GRIP1: variants seen among roughly 807,000 people sequenced by gnomAD.
The protein encoded by GRIP1 is glutamate receptor-interacting protein 1.
Under a neutral mutation model 129.9 loss-of-function variants are expected in GRIP1, and 45 were observed. The observed-to-expected ratio is 0.35, with a 90% CI of 0.27 to 0.44. GRIP1 has a LOEUF of 0.44. Among genes scored for constraint, GRIP1 ranks in the 20% least tolerant of loss-of-function variants. The pLI is 1.00. For missense variants in GRIP1, 1,196 were observed against 1,396.8 expected, an observed-to-expected ratio of 0.86 and a Z score of 2.29; for synonymous variants, 530 against 520.8, an observed-to-expected ratio of 1.02 and a Z score of -0.24.
intron 1 of GRIP1, among the ~76,000 whole-genome samples, chr12:67,026,294 C>T (rs1167529565): frequency 6.6e-6 from 1 of 152,168 alleles, no homozygotes; most frequent in Non-Finnish European, 1.5e-5. Context: ...CCATTAAAAG[C>T]TGCTATAATT....
chr12:66,788,497 T>C (rs929762553), intron 1 of GRIP1, among the ~76,000 whole-genome samples: 4 of 151,774 alleles, frequency 2.6e-5, no homozygotes, highest in Admixed American at 2.6e-4. Context: ...ACCTAATGAC[T>C]CTCTTCTAAT....
intron 2 of GRIP1, among the ~76,000 whole-genome samples, chr12:66,578,664 C>A (rs1437405776): frequency 2.0e-5 from 3 of 152,218 alleles, no homozygotes; most frequent in Non-Finnish European, 2.9e-5. Flanking sequence ...GCTAGCACAG[C>A]AGTCTGAGAT....
chr12:66,560,497 A>C (rs920780217), intron 2 of GRIP1, among the ~76,000 whole-genome samples: 1 of 152,126 alleles, frequency 6.6e-6, no homozygotes, highest in Non-Finnish European at 1.5e-5. Flanking sequence ...TAATAATCCA[A>C]TTGAAAAATG....
At chr12:66,569,945 A>T (rs2062901165) in intron 2 of GRIP1, among the ~76,000 whole-genome samples, 1 of 152,150 alleles carries the variant, frequency 6.6e-6, no homozygotes, top group African/African-American at 2.4e-5. Context: ...AAGAAGTTAC[A>T]TTTATCCAAT....
chr12:66,553,165 G>A (rs899001687), intron 2 of GRIP1, among the ~76,000 whole-genome samples: 14 of 152,192 alleles, frequency 9.2e-5, no homozygotes, highest in Admixed American at 7.2e-4. Context: ...AGCAGAAAGA[G>A]AATGAGCAGA....
At chr12:66,801,536 T>A (rs1305113998) in intron 1 of GRIP1, among the ~76,000 whole-genome samples, 3 of 152,206 alleles carry the variant, frequency 2.0e-5, no homozygotes, top group African/African-American at 4.8e-5. Flanking sequence ...GTATTTAAGA[T>A]GAAGGAATGG....
chr12:66,513,943 A>G lies in GRIP1; in HGVS notation c.724+1676T>C, dbSNP rs570773762. Among the ~76,000 whole-genome samples, 17 of 152,310 alleles carry G rather than the reference A, an allele frequency of 1.1e-4. 1 individual carries two copies. The highest frequency in any genetic ancestry group is 8.3e-4 in the South Asian group (4 of 4,826). On this transcript the variant is annotated intron_variant, in intron 7 of 24. Transcript: ENST00000359742. ...CTGATGTGGAATGCTGCAGCCTTACAGAGACTATTGTCTTCAGTCTGGGAG... is the reference window on the plus strand; with the variant it reads ...CTGATGTGGAATGCTGCAGCCTTACGGAGACTATTGTCTTCAGTCTGGGAG...
rs191320743 is a variant in GRIP1 at position 66,899,641 on chromosome 12, A to T, written c.58+169409T>A. On this transcript the variant is annotated intron_variant, in intron 1 of 1. Transcript: ENST00000643019. Reference sequence around the variant, plus strand: ...TGGCCTCCCAAAGCACTGGGATTACAAGCATGAGCCACTGCATCCAACCCA... The same window carrying T: ...TGGCCTCCCAAAGCACTGGGATTACTAGCATGAGCCACTGCATCCAACCCA... Among the ~76,000 whole-genome samples, 803 of 152,250 alleles carry T rather than the reference A, an allele frequency of 5.3e-3. 11 individuals are homozygous for T. Among genetic ancestry groups the T allele is most frequent in the African/African-American group, 0.016 (678 of 41,552 alleles).
At chr12:67,023,981 C>T (rs1372963426) in intron 1 of GRIP1, among the ~76,000 whole-genome samples, 3 of 152,044 alleles carry the variant, frequency 2.0e-5, no homozygotes, top group African/African-American at 4.8e-5. Flanking sequence ...TTAGCTCCCC[C>T]GTTTTCTTGC....
chr12:66,785,473 C>T (rs1478946405), intron 1 of GRIP1, among the ~76,000 whole-genome samples: 2 of 151,070 alleles, frequency 1.3e-5, no homozygotes, highest in African/African-American at 4.9e-5. Flanking sequence ...GATTGTGCCA[C>T]TGCACTCCAG....
intron 1 of GRIP1, among the ~76,000 whole-genome samples, chr12:66,852,013 A>G (rs1358978022): frequency 6.6e-6 from 1 of 152,040 alleles, no homozygotes; most frequent in Non-Finnish European, 1.5e-5. Flanking sequence ...ATCATCCATT[A>G]TAGTTGTAAT....
chr12:66,913,386 A>C (rs943544075), intron 1 of GRIP1, among the ~76,000 whole-genome samples: 2 of 152,208 alleles, frequency 1.3e-5, no homozygotes. Context: ...ACAAGCCTGA[A>C]TATCTTAGCA....
intron 9 of GRIP1, among the ~76,000 whole-genome samples, chr12:66,462,037 G>T (rs1181451371): frequency 6.6e-6 from 1 of 152,132 alleles, no homozygotes; most frequent in Non-Finnish European, 1.5e-5. Context: ...CTCATACCAG[G>T]TTTTGCCTAA....
chr12:66,977,711 C>T (rs929495127), intron 1 of GRIP1, among the ~76,000 whole-genome samples: 10 of 150,572 alleles, frequency 6.6e-5, no homozygotes, highest in Non-Finnish European at 1.2e-4. Context: ...TGTTGTTGCA[C>T]GTAAGAATAA....
At chr12:66,442,637 T>A (rs1222074214) in intron 13 of GRIP1, among the ~76,000 whole-genome samples, 3 of 152,134 alleles carry the variant, frequency 2.0e-5, no homozygotes, top group African/African-American at 7.2e-5. Flanking sequence ...GCTCAAGTGA[T>A]CCTTTCAGCT....
chr12:67,059,387 C>T (rs1403851751), intron 1 of GRIP1, among the ~76,000 whole-genome samples: 2 of 152,172 alleles, frequency 1.3e-5, no homozygotes, highest in East Asian at 1.9e-4. Context: ...TCAGTGGATA[C>T]CAGGGCACAA....
chr12:66,491,961 T>C (rs1288246758), intron 7 of GRIP1, among the ~76,000 whole-genome samples: 1 of 152,128 alleles, frequency 6.6e-6, no homozygotes, highest in East Asian at 1.9e-4. Context: ...ACAGGAAAAA[T>C]GGAATGAATC....
chr12:67,063,362 G>A (rs1004974974), intron 1 of GRIP1, among the ~76,000 whole-genome samples: 2 of 152,160 alleles, frequency 1.3e-5, no homozygotes, highest in African/African-American at 4.8e-5. Flanking sequence ...TTAATATGCA[G>A]ATATACTTGA....
At chr12:66,853,202 T>C (rs1224117846) in intron 1 of GRIP1, among the ~76,000 whole-genome samples, 1 of 151,688 alleles carries the variant, frequency 6.6e-6, no homozygotes, top group Non-Finnish European at 1.5e-5. Flanking sequence ...AGATTTTAAA[T>C]CCCTAAGTTG....
Sources: allele counts gnomAD v4.1 joint callset (sites outside exome capture counted in the v4.1 genomes callset), GRCh38; gene constraint gnomAD v4.1.1; transcripts MANE v1.5; gene names NCBI Gene and HGNC (gene_info 2026-07-23, HGNC 2026-07-21).